Variants in ACSL5 observed in about 807,000 individuals in gnomAD.
The protein encoded by ACSL5 is long-chain-fatty-acid--CoA ligase 5.
In ACSL5, 50 loss-of-function variants were observed where a neutral mutation model predicts 84.9. The ratio of observed to expected loss-of-function variants is 0.59; its 90% confidence interval spans 0.47 to 0.75. The LOEUF (loss-of-function observed/expected upper bound fraction) is 0.75, where lower values mean the gene tolerates loss of function less well. Among genes scored for constraint, ACSL5 ranks in the 30% least tolerant of loss-of-function variants. The pLI is 0.00. For missense variants in ACSL5, 775 were observed against 830.4 expected (o/e 0.93, Z 0.82); for synonymous variants, 280 against 300.7 (o/e 0.93, Z 0.71).
chr10:112,415,969 C>A (rs1311913375), intron 12 of ACSL5, among the ~76,000 whole-genome samples: 1 of 151,886 alleles, frequency 6.6e-6, no homozygotes, highest in Admixed American at 6.6e-5. Flanking sequence ...GTCAGGGAGA[C>A]CAGGGAAATC....
At position 112,409,684 on chromosome 10, in the gene ACSL5, A is replaced by G. The variant is rs1200839123; in HGVS notation, c.710A>G (p.Glu237Gly). ...GIEILSLYDA[E>G]NLGKEHFRKP... is the part of the protein sequence containing the mutation. Reference sequence around the variant, plus strand: ...GAGATCTTATCCCTATATGATGCTGAGGTATGGATCTGAAATTTAGCTTGC... The same window carrying G: ...GAGATCTTATCCCTATATGATGCTGGGGTATGGATCTGAAATTTAGCTTGC... The change falls in exon 7 of 21, where the codon GAG becomes GGG. Residue 237 changes from glutamate to glycine, a missense_variant and splice_region_variant. Glu to Gly is a moderately conservative substitution (Grantham distance 98, BLOSUM62 -2). Transcript: ENST00000354655. 1 of 1,613,716 alleles carries G rather than the reference A, an allele frequency of 6.2e-7. No individual in the cohort carries two copies. Among genetic ancestry groups the G allele is most frequent in the African/African-American group, 1.3e-5 (1 of 74,930 alleles).
Position 112,414,352 on chromosome 10 carries a change from CTTTTTTTT to C in ACSL5, c.1083+1059_1083+1066del, listed in dbSNP as rs34464188. ...AGATTTTTTTTTAATTTCAGTGATTCTTTTTTTTTTTTTTTTTTTTTGAGACAGAGTCC... is the reference window on the plus strand; with the variant it reads ...AGATTTTTTTTTAATTTCAGTGATTCTTTTTTTTTTTTTGAGACAGAGTCC... On this transcript the variant is annotated intron_variant, in intron 12 of 20. Transcript: ENST00000354655. Among the ~76,000 whole-genome samples the C allele has an allele frequency of 1.2e-4, 10 of 85,502 alleles. No individual in the cohort carries two copies. The Admixed American group carries it at 1.3e-3, about 11-fold the overall frequency. The allele number at this position is 85,502 out of a possible 152,430, so 56.1% of individuals were successfully genotyped here.
At position 112,409,532 on chromosome 10, in the gene ACSL5, C is replaced by G. The variant is rs1589690191; in HGVS notation, c.558C>G (p.Asp186Glu). Reference sequence around the variant, plus strand: ...CTGATATCGCCATGGTGATCTGTGACACACCCCAAAAGGCATTGGTGCTGA... The same window carrying G: ...CTGATATCGCCATGGTGATCTGTGAGACACCCCAAAAGGCATTGGTGCTGA... ...NKADIAMVICDTPQKALVLIG... is the reference protein window; with the variant it reads ...NKADIAMVICETPQKALVLIG... The change falls in exon 7 of 21, where the codon GAC becomes GAG. Residue 186 changes from aspartate (D) to glutamate (E), a missense_variant. Coordinates refer to ENST00000354655, the MANE Select transcript of ACSL5 (RefSeq NM_203379.2). The G allele has an allele frequency of 6.2e-7, 1 of 1,613,640 alleles. No individual in the cohort carries two copies. The highest frequency in any genetic ancestry group is 1.1e-5 in the South Asian group (1 of 91,034).
intron 5 of ACSL5, among the ~76,000 whole-genome samples, chr10:112,407,874 G>A (rs909526992): frequency 2.0e-5 from 3 of 152,034 alleles, no homozygotes; most frequent in Admixed American, 2.0e-4. Flanking sequence ...TACCTCTTAC[G>A]GATGGAACTT....
At chr10:112,406,954 A>C (rs925493948) in intron 5 of ACSL5, among the ~76,000 whole-genome samples, 6 of 152,172 alleles carry the variant, frequency 3.9e-5, no homozygotes, top group African/African-American at 1.4e-4. Context: ...GTTTAATTGG[A>C]CTTACAGTTC....
At chr10:112,399,713 C>G (rs193028469) in intron 3 of ACSL5, among the ~76,000 whole-genome samples, 2 of 152,346 alleles carry the variant, frequency 1.3e-5, no homozygotes, top group African/African-American at 2.4e-5. Context: ...TTATCCGTCC[C>G]TTGACTTCTG....
At chr10:112,419,102 C>CTGTG (rs57261585) in intron 14 of ACSL5, among the ~76,000 whole-genome samples, 10,716 of 146,440 alleles carry the variant, frequency 0.073, 489 homozygotes, top group Non-Finnish European at 0.092. Context: ...CACAATGTAT[C>CTGTG]TGTGTGTGTG....
chr10:112,406,065 A>G (rs1056646720), intron 5 of ACSL5: 1 of 150,664 alleles, frequency 6.6e-6, no homozygotes, highest in African/African-American at 2.4e-5. Context: ...ACTTTTATTG[A>G]AAAAAAAAAT....
At chr10:112,388,603 G>A (rs1192502055) in intron 1 of ACSL5, among the ~76,000 whole-genome samples, 1 of 152,130 alleles carries the variant, frequency 6.6e-6, no homozygotes, top group Non-Finnish European at 1.5e-5. Flanking sequence ...TATGTGCCAG[G>A]CATGGTGGGG....
chr10:112,414,685 T>C (rs1157606139), intron 12 of ACSL5, among the ~76,000 whole-genome samples: 1 of 152,154 alleles, frequency 6.6e-6, no homozygotes, highest in Non-Finnish European at 1.5e-5. Flanking sequence ...CTCATCAAGT[T>C]GCTCATGTGT....
rs147933269 is a variant in ACSL5, at chr10:112,409,514, C to T, written c.540C>T (p.Ile180=). 2.5e-5 allele frequency: 41 copies of T among 1,612,938 alleles called. No individual in the cohort carries two copies. Among genetic ancestry groups the T allele is most frequent in the African/African-American group, 1.3e-4 (10 of 74,870 alleles). ...TTCTATTTTGGCTTCCAGCTGATATCGCCATGGTGATCTGTGACACACCCC... is the reference window on the plus strand; with the variant it reads ...TTCTATTTTGGCTTCCAGCTGATATTGCCATGGTGATCTGTGACACACCCC... ...AIVHIVNKAD[I]AMVICDTPQK... is the part of the protein sequence containing the mutation. The change falls in exon 7 of 21, where the codon ATC becomes ATT. Residue 180 remains isoleucine, a synonymous_variant. Transcript: ENST00000354655.
Position 112,398,774 on chromosome 10 carries a change from A to T in ACSL5, c.157-127A>T, listed in dbSNP as rs1843804989. The T allele has an allele frequency of 4.1e-6, 3 of 723,384 alleles. No homozygotes were observed. The East Asian group carries it at 7.6e-5, about 18-fold the overall frequency. 44.8% of individuals were successfully genotyped at this position (723,384 alleles called of 1,614,324 possible). A position where few individuals can be genotyped will look rare whatever the true frequency, so the allele number is the denominator to read the frequency against. ...TTTGGGGATTTTTAAAAATCAATTGACTAGCGAAGAGAACATTCCCGTGAC... is the reference window on the plus strand; with the variant it reads ...TTTGGGGATTTTTAAAAATCAATTGTCTAGCGAAGAGAACATTCCCGTGAC... On this transcript the variant is annotated intron_variant, in intron 2 of 20. Transcript: ENST00000354655.
chr10:112,387,771 A>G (rs1401804973), intron 1 of ACSL5, among the ~76,000 whole-genome samples: 1 of 152,182 alleles, frequency 6.6e-6, no homozygotes, highest in Non-Finnish European at 1.5e-5. Context: ...CTATCACCAT[A>G]GGATGAGCCC....
At chr10:112,394,837 T>G in intron 1 of ACSL5, 81 bp from the exon 2 acceptor site, 1 of 1,551,644 alleles carries the variant, frequency 6.4e-7, no homozygotes, top group Non-Finnish European at 8.7e-7. Flanking sequence ...TGTGTGTGTG[T>G]CCTTCTGAAA....
At chr10:112,374,404 G>C (rs1000540484) in intron 1 of ACSL5, 135 bp downstream of exon 1, 3 of 152,176 alleles carry the variant, frequency 2.0e-5, no homozygotes, top group African/African-American at 7.2e-5. Flanking sequence ...ATTACATTTA[G>C]TTGAATAGTA....
At chr10:112,412,054 G>C in intron 11 of ACSL5, 75 bp downstream of exon 11, 1 of 1,411,652 alleles carries the variant, frequency 7.1e-7, no homozygotes, top group East Asian at 2.3e-5. Context: ...TCCAAAGGCA[G>C]CTACACAGTA....
chr10:112,413,238 C>G lies in ACSL5; in HGVS notation c.1014C>G (p.Asp338Glu). 6.2e-7 allele frequency: 1 copy of G among 1,614,152 alleles called. No homozygotes were observed. Among genetic ancestry groups the G allele is most frequent in the Non-Finnish European group, 8.5e-7 (1 of 1,180,016 alleles). ...AAGGGGATATTCGGTTGCTGGCTGA[C>G]GACATGAAGACTTTGAAGCCCACAT... ...FFQGDIRLLA[D>E]DMKTLKPTLF... The change falls in exon 12 of 21, where the codon GAC (aspartate) becomes GAG (glutamate). Residue 338 changes from aspartate (D) to glutamate (E), a missense_variant. Asp to Glu is a conservative substitution (Grantham distance 45). Coordinates refer to ENST00000354655, the MANE Select transcript of ACSL5 (RefSeq NM_203379.2).
intron 1 of ACSL5, among the ~76,000 whole-genome samples, chr10:112,377,196 G>C (rs1217832682): frequency 3.3e-5 from 5 of 152,114 alleles, no homozygotes; most frequent in Non-Finnish European, 7.3e-5. Flanking sequence ...TGAATCTATA[G>C]CTCCAATGTG....
chr10:112,376,822 A>G (rs1202001223), intron 1 of ACSL5, among the ~76,000 whole-genome samples: 2 of 152,014 alleles, frequency 1.3e-5, no homozygotes, highest in South Asian at 2.1e-4. Context: ...AATGAGACCA[A>G]TGGGGTGGGA....
Sources: gnomAD v4.1 joint callset for allele counts (sites outside exome capture counted in the v4.1 genomes callset) on GRCh38, gnomAD v4.1.1 for gene constraint, MANE v1.5 for transcripts, NCBI Gene and HGNC (gene_info 2026-07-23, HGNC 2026-07-21) for gene names.